OLA1: variants seen among roughly 807,000 people sequenced by gnomAD.
OLA1 encodes obg-like ATPase 1.
In OLA1, 14 loss-of-function variants were observed where a neutral mutation model predicts 48.4. The observed-to-expected ratio is 0.29, with a 90% confidence interval of 0.19 to 0.45. OLA1 has a LOEUF of 0.45. Among genes scored for constraint, OLA1 ranks in the 20% least tolerant of loss-of-function variants. The pLI, the probability that OLA1 is intolerant of heterozygous loss-of-function variation, is 1.00. For synonymous variants in OLA1, 127 were observed against 150.4 expected (o/e 0.84, Z 1.14); for missense variants, 325 against 467.1 (o/e 0.70, Z 2.80).
intron 4 of OLA1, among the ~76,000 whole-genome samples, chr2:174,195,355 A>G (rs1411081266): frequency 4.6e-5 from 7 of 152,264 alleles, no homozygotes; most frequent in Admixed American, 1.3e-4. Context: ...TAACTAATCC[A>G]AAATAGAAAA....
At chr2:174,230,842 G>T (rs1051964642) in intron 2 of OLA1, among the ~76,000 whole-genome samples, 6 of 152,202 alleles carry the variant, frequency 3.9e-5, no homozygotes, top group African/African-American at 1.4e-4. Flanking sequence ...CATCTAAAAT[G>T]CAGGATACAG....
chr2:174,196,582 C>A (rs1405365772), intron 4 of OLA1, among the ~76,000 whole-genome samples: 1 of 152,162 alleles, frequency 6.6e-6, no homozygotes, highest in Non-Finnish European at 1.5e-5. Flanking sequence ...GCGTGTAATA[C>A]TTTAATTGTA....
At chr2:174,095,165 C>A (rs951117589) in intron 7 of OLA1, among the ~76,000 whole-genome samples, 1 of 151,906 alleles carries the variant, frequency 6.6e-6, no homozygotes, top group African/African-American at 2.4e-5. Flanking sequence ...GGATATTTAC[C>A]CAGAAGTGGG....
At chr2:174,125,706 G>C (rs1367289711) in intron 5 of OLA1, among the ~76,000 whole-genome samples, 4 of 152,092 alleles carry the variant, frequency 2.6e-5, no homozygotes, top group Non-Finnish European at 5.9e-5. Context: ...TTCAGATATA[G>C]AAATCTTATC....
At chr2:174,187,183 G>T (rs1687676488) in intron 4 of OLA1, among the ~76,000 whole-genome samples, 1 of 152,182 alleles carries the variant, frequency 6.6e-6, no homozygotes, top group South Asian at 2.1e-4. Flanking sequence ...AGCATCTGCT[G>T]ATCACAAATC....
At chr2:174,222,412 CTAT>C (rs1252930872) in intron 4 of OLA1, among the ~76,000 whole-genome samples, 1 of 152,118 alleles carries the variant, frequency 6.6e-6, no homozygotes, top group Non-Finnish European at 1.5e-5. Flanking sequence ...CATTATAATA[CTAT>C]TAACACAAAG....
At chr2:174,083,785 G>C (rs1316017493) in intron 7 of OLA1, among the ~76,000 whole-genome samples, 1 of 152,074 alleles carries the variant, frequency 6.6e-6, no homozygotes, top group Non-Finnish European at 1.5e-5. Flanking sequence ...ATACCAAATA[G>C]ATTCAATGAA....
At chr2:174,091,306 A>G (rs1685108223) in intron 7 of OLA1, among the ~76,000 whole-genome samples, 1 of 152,258 alleles carries the variant, frequency 6.6e-6, no homozygotes, top group Admixed American at 6.5e-5. Context: ...GAACAAGGGA[A>G]GAAGGGACAG....
intron 4 of OLA1, among the ~76,000 whole-genome samples, chr2:174,170,599 T>A (rs974283011): frequency 1.3e-5 from 2 of 152,212 alleles, no homozygotes; most frequent in Non-Finnish European, 2.9e-5. Flanking sequence ...AAGAGATACA[T>A]TTTAATATAA....
intron 4 of OLA1, among the ~76,000 whole-genome samples, chr2:174,216,890 G>T (rs1349346398): frequency 6.6e-6 from 1 of 151,990 alleles, no homozygotes; most frequent in African/African-American, 2.4e-5. Flanking sequence ...TTACTTTATT[G>T]TAAGAATATA....
intron 2 of OLA1, among the ~76,000 whole-genome samples, chr2:174,230,717 A>C (rs1325352930): frequency 6.6e-6 from 1 of 152,174 alleles, no homozygotes; most frequent in Admixed American, 6.5e-5. Context: ...AAGACTAAAA[A>C]CCAGATTTCT....
chr2:174,160,512 A>C (rs1370505591), intron 4 of OLA1, among the ~76,000 whole-genome samples: 1 of 152,206 alleles, frequency 6.6e-6, no homozygotes, highest in Admixed American at 6.5e-5. Context: ...TTAAAAACCA[A>C]AATAAATGAA....
rs189934276 is a variant in OLA1, at chr2:174,139,797, G to A, written c.549+2028C>T. Among the ~76,000 whole-genome samples, 614 of 150,826 alleles carry A rather than the reference G, an allele frequency of 4.1e-3. 11 individuals are homozygous for A. The highest frequency in any genetic ancestry group is 9.7e-4 in the Non-Finnish European group (66 of 67,808). On this transcript the variant is annotated intron_variant, in intron 5 of 10. Coordinates refer to ENST00000284719, the MANE Select transcript of OLA1 (RefSeq NM_013341.5). The stretch of plus-strand genomic sequence containing the variant: ...GAAGAATCACTTCAACCAGGGAGGC[G>A]GAGGTTGCAGTGAGCCGAGATAGTG...
At chr2:174,244,140 A>T (rs1389727819) in intron 2 of OLA1, among the ~76,000 whole-genome samples, 1 of 152,200 alleles carries the variant, frequency 6.6e-6, no homozygotes, top group Non-Finnish European at 1.5e-5. Flanking sequence ...TAATTCACTT[A>T]TTCCAATAAA....
intron 7 of OLA1, among the ~76,000 whole-genome samples, chr2:174,120,792 A>G (rs190779214): frequency 6.6e-6 from 1 of 152,328 alleles, no homozygotes; most frequent in African/African-American, 2.4e-5. Flanking sequence ...GTGACCTGCT[A>G]AAATAACAAC....
intron 4 of OLA1, among the ~76,000 whole-genome samples, chr2:174,192,032 C>T (rs1304723393): frequency 2.6e-5 from 4 of 152,100 alleles, no homozygotes; most frequent in Admixed American, 6.6e-5. Context: ...CTACTTACTC[C>T]AGCTATTCTT....
chr2:174,188,706 C>T (rs901740993), intron 4 of OLA1, among the ~76,000 whole-genome samples: 4 of 152,226 alleles, frequency 2.6e-5, no homozygotes, highest in Admixed American at 1.3e-4. Context: ...ATACTGACAC[C>T]TTTGCTTTCT....
chr2:174,184,366 A>G (rs547381801), intron 4 of OLA1, among the ~76,000 whole-genome samples: 1 of 152,310 alleles, frequency 6.6e-6, no homozygotes, highest in Non-Finnish European at 1.5e-5. Context: ...TATTCTTTCC[A>G]AAAACCCATA....
intron 2 of OLA1, among the ~76,000 whole-genome samples, chr2:174,238,372 T>A: frequency 6.6e-6 from 1 of 151,564 alleles, no homozygotes; most frequent in Non-Finnish European, 1.5e-5. Flanking sequence ...CGCATGCCTA[T>A]AATCCCTGTT....
Sources: allele counts gnomAD v4.1 joint callset (sites outside exome capture counted in the v4.1 genomes callset), GRCh38; gene constraint gnomAD v4.1.1; transcripts MANE v1.5; gene names NCBI Gene and HGNC (gene_info 2026-07-23, HGNC 2026-07-21).